Variants in ENKUR observed in about 807,000 individuals in gnomAD.
ENKUR encodes the protein enkurin, TRPC channel interacting protein.
Under a neutral mutation model 27.6 loss-of-function variants are expected in ENKUR, and 19 were observed. That is an observed-to-expected ratio of 0.69 (90% CI 0.48 to 1.01). The LOEUF is 1.01. ENKUR is among the 50% of genes least tolerant of loss of function. The pLI, the probability that ENKUR is intolerant of heterozygous loss-of-function variation, is 0.00. For synonymous variants in ENKUR, 117 were observed against 96.9 expected, an observed-to-expected ratio of 1.21 and a Z score of -1.22; for missense variants, 312 against 310.5, an observed-to-expected ratio of 1.00 and a Z score of -0.04.
intron 2 of ENKUR, among the ~76,000 whole-genome samples, chr10:25,054,517 T>C (rs199962231): frequency 0.029 from 3,280 of 112,408 alleles, 52 homozygotes; most frequent in Non-Finnish European, 0.044. Flanking sequence ...TTCTTTCCTT[T>C]CTTTCTTTCT....
chr10:25,008,066 T>C (rs1850357062), intron 1 of ENKUR, among the ~76,000 whole-genome samples: 1 of 150,878 alleles, frequency 6.6e-6, no homozygotes, highest in Non-Finnish European at 1.5e-5. Context: ...ATGTAAGAGA[T>C]GAAGAGAAGT....
intron 2 of ENKUR, among the ~76,000 whole-genome samples, chr10:24,998,210 C>T (rs900600272): frequency 4.6e-5 from 7 of 152,092 alleles, no homozygotes; most frequent in Admixed American, 6.5e-5. Flanking sequence ...TGAGATGTTG[C>T]ATTATTTCCT....
chr10:25,003,669 G>C (rs1391483613), intron 1 of ENKUR, among the ~76,000 whole-genome samples: 1 of 152,106 alleles, frequency 6.6e-6, no homozygotes. Context: ...GACTTTATTA[G>C]ATAATTGGCT....
At chr10:25,023,674 A>T in intron 2 of ENKUR, 1 of 1,614,124 alleles carries the variant, frequency 6.2e-7, no homozygotes, top group Non-Finnish European at 8.5e-7. Flanking sequence ...AAATGGAATA[A>T]TTGTATACCT....
chr10:25,014,497 A>G (rs902181442), intron 1 of ENKUR, among the ~76,000 whole-genome samples: 1 of 152,160 alleles, frequency 6.6e-6, no homozygotes, highest in East Asian at 1.9e-4. Context: ...AAATGAATAA[A>G]GACTGTTCCT....
intron 2 of ENKUR, among the ~76,000 whole-genome samples, chr10:25,022,821 G>T (rs1850751625): frequency 6.6e-6 from 1 of 152,062 alleles, no homozygotes; most frequent in South Asian, 2.1e-4. Context: ...TTCATTAAAA[G>T]ATCTCAATAT....
chr10:25,051,406 T>A (rs1298670550), intron 2 of ENKUR, among the ~76,000 whole-genome samples: 1 of 151,908 alleles, frequency 6.6e-6, no homozygotes, highest in Non-Finnish European at 1.5e-5. Flanking sequence ...AGAAGAGAGG[T>A]TTAATTGGCT....
chr10:24,999,335 A>G (rs1303456196), intron 2 of ENKUR, 66 bp downstream of exon 2: 2 of 1,474,814 alleles, frequency 1.4e-6, no homozygotes, highest in African/African-American at 1.4e-5. Context: ...TTCATCAACA[A>G]TAAAATAATA....
intron 2 of ENKUR, chr10:25,025,776 C>T (rs142583777): frequency 8.9e-4 from 201 of 226,304 alleles, no homozygotes; most frequent in African/African-American, 4.4e-3. Context: ...TACTATTTGG[C>T]GATTAAAATA....
At chr10:25,029,758 T>C (rs569477244) in intron 2 of ENKUR, among the ~76,000 whole-genome samples, 1 of 152,294 alleles carries the variant, frequency 6.6e-6, no homozygotes, top group African/African-American at 2.4e-5. Context: ...AAAACAAATA[T>C]GCTTTTCTGA....
At chr10:24,989,018 G>A (rs1243138525) in intron 4 of ENKUR, among the ~76,000 whole-genome samples, 2 of 151,964 alleles carry the variant, frequency 1.3e-5, no homozygotes, top group South Asian at 2.1e-4. Flanking sequence ...TGTAGCGACC[G>A]TAATGGGAAG....
rs183551498 is a variant in ENKUR, at chr10:25,049,037, G to A, written c.37+12075C>T. Among the ~76,000 whole-genome samples the A allele has an allele frequency of 2.5e-3, 374 of 152,192 alleles. 5 individuals carry two copies. The highest frequency in any genetic ancestry group is 8.4e-3 in the African/African-American group (347 of 41,536). ...AGAAGGCTGGCTTTGAAGTCGTGAT[G>A]CCTTTATTTTAACCACATCACTACT... is the stretch of plus-strand genomic sequence containing the variant. On this transcript the variant is annotated intron_variant, in intron 2 of 5. Coordinates refer to the ENKUR transcript ENST00000615958.
rs1477499097 is a variant in ENKUR at position 24,982,189 on chromosome 10, G to A, written c.*2181C>T. On this transcript the variant is annotated 3_prime_UTR_variant, in exon 6 of 6. Transcript: ENST00000331161. ...GTGCTATAAAGGAAGGCCAGATTCT[G>A]AGGAATCAAAGGGGATTGTCATGGA... is the stretch of plus-strand genomic sequence containing the variant. 1 of 152,224 alleles carries A rather than the reference G, an allele frequency of 6.6e-6. No homozygotes were observed. Among genetic ancestry groups the A allele is most frequent in the African/African-American group, 2.4e-5 (1 of 41,446 alleles). 9.4% of individuals were successfully genotyped at this position (152,224 alleles called of 1,614,324 possible). A position where few individuals can be genotyped will look rare whatever the true frequency, so the allele number is the denominator to read the frequency against.
Position 24,982,267 on chromosome 10 carries a change from T to C in ENKUR, c.*2103A>G, listed in dbSNP as rs562411739. 44 of 152,182 alleles carry C rather than the reference T, an allele frequency of 2.9e-4. No homozygotes were observed. Among genetic ancestry groups the C allele is most frequent in the African/African-American group, 1.0e-3 (43 of 41,510 alleles). 9.4% of individuals were successfully genotyped at this position (152,182 alleles called of 1,614,324 possible). A position where few individuals can be genotyped will look rare whatever the true frequency, so the allele number is the denominator to read the frequency against. Reference sequence around the variant, plus strand: ...GGATTTGCCAGGCAGCTATGTAGGATGAGAGAAAGAAAAGGGCAGTTTTCT... The same window carrying C: ...GGATTTGCCAGGCAGCTATGTAGGACGAGAGAAAGAAAAGGGCAGTTTTCT... On this transcript the variant is annotated 3_prime_UTR_variant, in exon 6 of 6. Coordinates refer to ENST00000331161, the MANE Select transcript of ENKUR (RefSeq NM_145010.4).
chr10:24,982,942 C>G lies in ENKUR; in HGVS notation c.*1428G>C, dbSNP rs1849699763. ...CACTCATGACTTCAAAGCATAATAT[C>G]CATAAGGCTAAAGTAATCAGAATAT... is the stretch of plus-strand genomic sequence containing the variant. On this transcript the variant is annotated 3_prime_UTR_variant, in exon 6 of 6. Transcript: ENST00000331161. 1 of 152,184 alleles carries G rather than the reference C, an allele frequency of 6.6e-6. No homozygotes were observed. Among genetic ancestry groups the G allele is most frequent in the East Asian group, 1.9e-4 (1 of 5,200 alleles). The allele number at this position is 152,184 out of a possible 1,614,324, so 9.4% of individuals were successfully genotyped here. A position where few individuals can be genotyped will look rare whatever the true frequency, so the allele number is the denominator to read the frequency against.
upstream of ENKUR, among the ~76,000 whole-genome samples, chr10:25,017,626 T>G (rs533538593): frequency 6.6e-6 from 1 of 152,216 alleles, no homozygotes; most frequent in African/African-American, 2.4e-5. Context: ...TTTTTCTTTT[T>G]TTTTTTTTTG....
At chr10:24,994,344 T>C (rs1849994998) in intron 3 of ENKUR, among the ~76,000 whole-genome samples, 1 of 151,400 alleles carries the variant, frequency 6.6e-6, no homozygotes, top group Non-Finnish European at 1.5e-5. Flanking sequence ...CTCTTTTTTT[T>C]TTTTTTTGAC....
At chr10:25,035,143 G>A (rs1850992688) in intron 2 of ENKUR, among the ~76,000 whole-genome samples, 1 of 152,186 alleles carries the variant, frequency 6.6e-6, no homozygotes, top group African/African-American at 2.4e-5. Flanking sequence ...CCTCAGAAAG[G>A]TGACAGTGCC....
At position 24,983,270 on chromosome 10, in the gene ENKUR, A is replaced by G. The variant is rs1202155337; in HGVS notation, c.*1100T>C. The G allele has an allele frequency of 1.3e-5, 2 of 152,194 alleles. No homozygotes were observed. Among genetic ancestry groups the G allele is most frequent in the African/African-American group, 4.8e-5 (2 of 41,436 alleles). The allele number at this position is 152,194 out of a possible 1,614,324, so 9.4% of individuals were successfully genotyped here. A position where few individuals can be genotyped will look rare whatever the true frequency, so the allele number is the denominator to read the frequency against. The stretch of plus-strand genomic sequence containing the variant: ...TGCTTACTTAGCGATGCAAACGGGA[A>G]TGATATGCATCATTTCTAGGCCTGG... On this transcript the variant is annotated 3_prime_UTR_variant, in exon 6 of 6. Coordinates refer to ENST00000331161, the MANE Select transcript of ENKUR (RefSeq NM_145010.4).
Sources: allele counts gnomAD v4.1 joint callset (sites outside exome capture counted in the v4.1 genomes callset), GRCh38; gene constraint gnomAD v4.1.1; transcripts MANE v1.5; gene names NCBI Gene and HGNC (gene_info 2026-07-23, HGNC 2026-07-21).